The following KIF15 variants were observed in gnomAD, a reference collection of about 807,000 sequenced individuals.
The protein encoded by KIF15 is kinesin family member 15, also known as kinesin-like protein KIF15.
KIF15 carries 140 observed loss-of-function variants against 190.6 expected under a neutral mutation model. That is an observed-to-expected ratio of 0.73 (90% CI 0.64 to 0.84). The LOEUF is 0.84. Among genes scored for constraint, KIF15 ranks in the 40% least tolerant of loss-of-function variants. The pLI is 0.00. For synonymous variants in KIF15, 528 were observed against 551.3 expected, an observed-to-expected ratio of 0.96 and a Z score of 0.59; for missense variants, 1,372 against 1,584.4, an observed-to-expected ratio of 0.87 and a Z score of 2.28.
At chr3:44,866,144 C>T (rs1274343211) in intron 6 of KIF15, among the ~76,000 whole-genome samples, 2 of 150,852 alleles carry the variant, frequency 1.3e-5, no homozygotes, top group African/African-American at 4.9e-5. Context: ...GCAATCTCAG[C>T]TCACGGCAAG....
At chr3:44,853,860 A>G (rs913188962), downstream of KIF15, among the ~76,000 whole-genome samples, 1 of 152,224 alleles carries the variant, frequency 6.6e-6, no homozygotes, top group Non-Finnish European at 1.5e-5. Flanking sequence ...ATGAATCTCA[A>G]AAAAATGCTA....
At chr3:44,861,855 C>T in intron 6 of KIF15, 6 of 1,443,214 alleles carry the variant, frequency 4.2e-6, no homozygotes, top group Non-Finnish European at 5.6e-6. Flanking sequence ...TCACGTGAGG[C>T]TGCCATCCAA....
Position 44,829,775 on chromosome 3 carries a change from GTA to G in KIF15, c.2944-187_2944-186del, listed in dbSNP as rs574696467. 5.0e-3 allele frequency among the ~76,000 whole-genome samples: 698 copies of G among 138,890 alleles called. 4 individuals carry two copies. Among genetic ancestry groups the G allele is most frequent in the Middle Eastern group, 0.011 (3 of 266 alleles). The allele number at this position is 138,890 out of a possible 152,430, so 91.1% of individuals were successfully genotyped here. On this transcript the variant is annotated intron_variant, in intron 24 of 34. Coordinates refer to ENST00000326047, the MANE Select transcript of KIF15 (RefSeq NM_020242.3). ...TTATAGATGTATATATATTATAGAT[GTA>G]TATATATAATATATGCATATATAAT...
Position 44,797,913 on chromosome 3 carries a change from C to T in KIF15, c.1055C>T (p.Ser352Leu). 2 of 1,613,826 alleles carry T rather than the reference C, an allele frequency of 1.2e-6. No homozygotes were observed. The highest frequency in any genetic ancestry group is 1.6e-4 in the Middle Eastern group (1 of 6,062). The change falls in exon 10 of 35, where the codon TCA becomes TTA. Residue 352 changes from serine to leucine, a missense_variant. Transcript: ENST00000326047. ...TCCAGGTGTTTTGGGGAAACCCTAT[C>T]AACACTTAACTTTGCTCAAAGAGCC... ...PGSRCFGETLSTLNFAQRAKL... is the reference protein window; with the variant it reads ...PGSRCFGETLLTLNFAQRAKL...
rs749020825 is a variant in KIF15 at position 44,775,411 on chromosome 3, C to T, written c.220C>T (p.His74Tyr). 6 of 1,612,136 alleles carry T rather than the reference C, an allele frequency of 3.7e-6. No individual in the cohort carries two copies. The highest frequency in any genetic ancestry group is 5.1e-6 in the Non-Finnish European group (6 of 1,179,332). The change falls in exon 3 of 35, where the codon CAT (histidine) becomes TAT (tyrosine). Residue 74 changes from histidine to tyrosine, a missense_variant. Coordinates refer to ENST00000326047, the MANE Select transcript of KIF15 (RefSeq NM_020242.3). The part of the protein sequence containing the change: ...NPEPKTFTFD[H>Y]VADVDTTQES... ...TGAGCCCAAGACCTTCACGTTTGAT[C>T]ATGTTGCAGATGTGGATACCACTCA... is the stretch of plus-strand genomic sequence containing the variant.
At chr3:44,821,111 G>C (rs1708266148) in intron 20 of KIF15, among the ~76,000 whole-genome samples, 1 of 147,738 alleles carries the variant, frequency 6.8e-6, no homozygotes, top group Non-Finnish European at 1.5e-5. Context: ...CGGACCGGGC[G>C]GCTGGCCGGG....
At position 44,805,186 on chromosome 3, in the gene KIF15, A is replaced by G; in HGVS notation, c.1829+18A>G. On this transcript the variant is annotated intron_variant, in intron 15 of 34. Transcript: ENST00000326047. The stretch of plus-strand genomic sequence containing the variant: ...CTTACTAGGTAAAGTCTAAATACAC[A>G]TGCATGCACACTTATTTTCTTTCAG... The G allele has an allele frequency of 1.3e-6, 2 of 1,593,022 alleles. No homozygotes were observed. The highest frequency in any genetic ancestry group is 2.3e-5 in the South Asian group (2 of 87,448).
At chr3:44,843,722 G>A (rs140198763) in intron 30 of KIF15, among the ~76,000 whole-genome samples, 1 of 152,128 alleles carries the variant, frequency 6.6e-6, no homozygotes, top group African/African-American at 2.4e-5. Context: ...AGGCAGTTTT[G>A]TAGTTGCATT....
intron 20 of KIF15, among the ~76,000 whole-genome samples, chr3:44,825,599 A>G (rs1697597276): frequency 6.6e-6 from 1 of 152,246 alleles, no homozygotes; most frequent in Non-Finnish European, 1.5e-5. Context: ...TCACATTGTC[A>G]TCTTAATGTT....
chr3:44,768,972 A>C (rs1352968240), intron 1 of KIF15, among the ~76,000 whole-genome samples: 4 of 152,350 alleles, frequency 2.6e-5, no homozygotes, highest in East Asian at 3.9e-4. Flanking sequence ...ACTGGTTTGC[A>C]CAGGGAGAGG....
intron 7 of KIF15, among the ~76,000 whole-genome samples, chr3:44,793,785 T>C (rs1232300521): frequency 6.6e-6 from 1 of 152,216 alleles, no homozygotes; most frequent in Non-Finnish European, 1.5e-5. Context: ...GATAATTAGC[T>C]GTATGTTAGT....
chr3:44,808,042 C>T (rs112533781), intron 16 of KIF15, among the ~76,000 whole-genome samples: 3,366 of 151,944 alleles, frequency 0.022, 60 homozygotes, highest in Non-Finnish European at 0.031. Context: ...TTCAAGTGAT[C>T]CTCCTGGAGC....
At chr3:44,826,002 GTTTA>G (rs1397276722) in intron 20 of KIF15, 33 bp from the exon 21 acceptor site, 1 of 1,532,172 alleles carries the variant, frequency 6.5e-7, no homozygotes, top group Non-Finnish European at 8.8e-7. Flanking sequence ...TACATTAAAT[GTTTA>G]TTTACCATTT....
At chr3:44,799,410 T>C in intron 10 of KIF15, 1 of 450,790 alleles carries the variant, frequency 2.2e-6, no homozygotes, top group Non-Finnish European at 4.5e-6. Flanking sequence ...CAGAAGACCT[T>C]GGGGCTGTCA....
Position 44,779,511 on chromosome 3 carries a change from A to G in KIF15, c.323+1320A>G, listed in dbSNP as rs77134942. On this transcript the variant is annotated intron_variant, in intron 4 of 34. Coordinates refer to ENST00000326047, the MANE Select transcript of KIF15 (RefSeq NM_020242.3). ...ATTAGTAGTGTCCTCTTCACTCTCAAGTGCCTGTTTGGACAATAATCTATA... is the reference window on the plus strand; with the variant it reads ...ATTAGTAGTGTCCTCTTCACTCTCAGGTGCCTGTTTGGACAATAATCTATA... Among the ~76,000 whole-genome samples the G allele has an allele frequency of 2.2e-3, 337 of 152,010 alleles. 3 individuals are homozygous for G. Among genetic ancestry groups the G allele is most frequent in the Non-Finnish European group, 2.7e-3 (183 of 67,992 alleles).
intron 1 of KIF15, among the ~76,000 whole-genome samples, chr3:44,767,185 G>A (rs1217532172): frequency 6.6e-6 from 1 of 152,154 alleles, no homozygotes; most frequent in African/African-American, 2.4e-5. Flanking sequence ...CATGTCAGAA[G>A]TCAATCTCTG....
At chr3:44,857,886 A>T (rs1699204033), downstream of KIF15, among the ~76,000 whole-genome samples, 1 of 152,228 alleles carries the variant, frequency 6.6e-6, no homozygotes, top group African/African-American at 2.4e-5. Flanking sequence ...TGGAGAATAA[A>T]TGTTGAAGGA....
In KIF15 at chr3:44,812,184, A is replaced by C. The variant is rs1436513881; in HGVS notation, c.2172A>C (p.Glu724Asp). ...TGACTGAAGTTTTTGTGTTGCAGGA[A>C]CAAATGAGTGCTCTTCAAGCCAAAC... Reference protein sequence around the residue: ...AISEELRTVQEQMSALQAKLD... With the variant: ...AISEELRTVQDQMSALQAKLD... Residue 724 changes from glutamate (E) to aspartate (D), a missense_variant and splice_region_variant, in exon 18 of 35, where the codon GAA becomes GAC. Glu to Asp is a conservative substitution (Grantham distance 45, BLOSUM62 2). Transcript: ENST00000326047. 6.2e-7 allele frequency: 1 copy of C among 1,608,172 alleles called. No homozygotes were observed. Among genetic ancestry groups the C allele is most frequent in the African/African-American group, 1.3e-5 (1 of 74,686 alleles).
intron 6 of KIF15, chr3:44,864,049 G>T (rs1002872444): frequency 1.2e-6 from 1 of 848,602 alleles, no homozygotes; most frequent in Admixed American, 2.4e-5. Flanking sequence ...GTGAAGCCCT[G>T]TGCAGGAAAG....
Sources: gnomAD v4.1 joint callset for allele counts (sites outside exome capture counted in the v4.1 genomes callset) on GRCh38, gnomAD v4.1.1 for gene constraint, MANE v1.5 for transcripts, NCBI Gene and HGNC (gene_info 2026-07-23, HGNC 2026-07-21) for gene names.